KCTD8: variants seen among roughly 807,000 people sequenced by gnomAD.
The protein encoded by KCTD8 is potassium channel tetramerization domain containing 8.
In KCTD8, 27 loss-of-function variants were observed where a neutral mutation model predicts 31.5. The observed-to-expected ratio is 0.86, with a 90% CI of 0.63 to 1.18. KCTD8 has a LOEUF of 1.18. Ranked by LOEUF, KCTD8 falls within the 50% of genes most tolerant of loss-of-function variation. KCTD8 has a pLI of 0.00. For synonymous variants in KCTD8, 290 were observed against 280.0 expected (o/e 1.04, Z -0.36); for missense variants, 658 against 647.7 (o/e 1.02, Z -0.17).
At chr4:44,198,439 A>C (rs1034487203) in intron 1 of KCTD8, among the ~76,000 whole-genome samples, 2 of 152,190 alleles carry the variant, frequency 1.3e-5, no homozygotes, top group African/African-American at 4.8e-5. Flanking sequence ...AGGGAAACTC[A>C]TGAGGCTAGC....
intron 1 of KCTD8, among the ~76,000 whole-genome samples, chr4:44,223,310 G>A (rs978552795): frequency 1.3e-5 from 2 of 152,260 alleles, no homozygotes; most frequent in Admixed American, 6.5e-5. Flanking sequence ...TTGGGGTGGA[G>A]AAGGAAGGGA....
intron 1 of KCTD8, among the ~76,000 whole-genome samples, chr4:44,200,725 C>A (rs536072943): frequency 6.6e-6 from 1 of 152,004 alleles, no homozygotes; most frequent in African/African-American, 2.4e-5. Context: ...AAGCTTAAAT[C>A]ATTGCCCTTG....
intron 1 of KCTD8, among the ~76,000 whole-genome samples, chr4:44,393,793 T>A (rs1482929057): frequency 1.3e-5 from 2 of 151,914 alleles, no homozygotes; most frequent in Non-Finnish European, 2.9e-5. Flanking sequence ...CAACTATTTA[T>A]TCAATAAACA....
chr4:44,286,753 CTT>C (rs1717090430), intron 1 of KCTD8, among the ~76,000 whole-genome samples: 3 of 151,910 alleles, frequency 2.0e-5, no homozygotes, highest in African/African-American at 7.3e-5. Context: ...GAAAAAATAA[CTT>C]TGCTCCTGGA....
At chr4:44,311,267 C>A (rs185409695) in intron 1 of KCTD8, among the ~76,000 whole-genome samples, 1 of 151,820 alleles carries the variant, frequency 6.6e-6, no homozygotes, top group African/African-American at 2.4e-5. Flanking sequence ...AGCACGTGTG[C>A]TCTCTCTCTC....
intron 1 of KCTD8, among the ~76,000 whole-genome samples, chr4:44,224,352 C>T (rs543383211): frequency 6.6e-6 from 1 of 152,292 alleles, no homozygotes; most frequent in African/African-American, 2.4e-5. Flanking sequence ...TCACTGTCCA[C>T]CAACATGCAG....
chr4:44,328,387 T>C (rs1221131541), intron 1 of KCTD8, among the ~76,000 whole-genome samples: 1 of 151,880 alleles, frequency 6.6e-6, no homozygotes, highest in Non-Finnish European at 1.5e-5. Context: ...CTACAACAAA[T>C]AGATTTGCAT....
intron 1 of KCTD8, among the ~76,000 whole-genome samples, chr4:44,305,674 G>A (rs1299132242): frequency 6.6e-6 from 1 of 151,768 alleles, no homozygotes; most frequent in Non-Finnish European, 1.5e-5. Flanking sequence ...GAGTCAGTAA[G>A]CTTACAGAAA....
At chr4:44,176,860 CATCTATCT>C (rs58202328) in intron 1 of KCTD8, among the ~76,000 whole-genome samples, 39 of 148,472 alleles carry the variant, frequency 2.6e-4, no homozygotes, top group African/African-American at 6.7e-4. Context: ...TATATGTCTA[CATCTATCT>C]ATCTATCTAT....
chr4:44,263,202 C>T (rs553087408), intron 1 of KCTD8, among the ~76,000 whole-genome samples: 8 of 151,932 alleles, frequency 5.3e-5, no homozygotes, highest in Non-Finnish European at 1.0e-4. Flanking sequence ...CAAGTTTATG[C>T]CTAAAAACTT....
chr4:44,302,697 G>T (rs1289411998), intron 1 of KCTD8, among the ~76,000 whole-genome samples: 1 of 149,248 alleles, frequency 6.7e-6, no homozygotes, highest in Non-Finnish European at 1.5e-5. Context: ...TTTCCTAATT[G>T]AATACCCTTT....
At chr4:44,254,101 TAAG>T (rs976039086) in intron 1 of KCTD8, among the ~76,000 whole-genome samples, 9 of 151,922 alleles carry the variant, frequency 5.9e-5, no homozygotes, top group Non-Finnish European at 1.2e-4. Flanking sequence ...TGGATTTGGC[TAAG>T]AAGATTTCCA....
Position 44,267,516 on chromosome 4 carries a change from C to T in KCTD8, c.962-92266G>A, listed in dbSNP as rs1424719729. Reference sequence around the variant, plus strand: ...AAGCAAGAGCAAACACATTCAAAAGCTAGCAGAAGGCAAGAAATGACTAAA... The same window carrying T: ...AAGCAAGAGCAAACACATTCAAAAGTTAGCAGAAGGCAAGAAATGACTAAA... On this transcript the variant is annotated intron_variant, in intron 1 of 1. Transcript: ENST00000360029. Among the ~76,000 whole-genome samples, 3 of 152,168 alleles carry T rather than the reference C, an allele frequency of 2.0e-5. No homozygotes were observed. The East Asian group carries it at 5.8e-4, about 29-fold the overall frequency.
chr4:44,177,249 C>T (rs1713243524), intron 1 of KCTD8, among the ~76,000 whole-genome samples: 1 of 152,066 alleles, frequency 6.6e-6, no homozygotes, highest in Non-Finnish European at 1.5e-5. Flanking sequence ...ATTCAGTCAA[C>T]AGCAAAGACT....
At chr4:44,402,150 A>G (rs1720679997) in intron 1 of KCTD8, among the ~76,000 whole-genome samples, 1 of 152,192 alleles carries the variant, frequency 6.6e-6, no homozygotes, top group Non-Finnish European at 1.5e-5. Flanking sequence ...CTGGAGAACA[A>G]CAACTGAATA....
intron 1 of KCTD8, among the ~76,000 whole-genome samples, chr4:44,277,852 C>T (rs1716795696): frequency 6.6e-6 from 1 of 151,826 alleles, no homozygotes; most frequent in Non-Finnish European, 1.5e-5. Context: ...CCAAGATATT[C>T]CTGATACCAA....
At chr4:44,400,197 C>A (rs1052000474) in intron 1 of KCTD8, among the ~76,000 whole-genome samples, 1 of 152,148 alleles carries the variant, frequency 6.6e-6, no homozygotes, top group Non-Finnish European at 1.5e-5. Flanking sequence ...TAGAAAGTTT[C>A]TTCAAATTCT....
chr4:44,223,067 G>C (rs2109348914), intron 1 of KCTD8, among the ~76,000 whole-genome samples: 1 of 152,316 alleles, frequency 6.6e-6, no homozygotes, highest in East Asian at 1.9e-4. Flanking sequence ...ATTGGAAGCA[G>C]GGATGTTTTA....
intron 1 of KCTD8, among the ~76,000 whole-genome samples, chr4:44,304,474 C>T (rs559984651): frequency 3.9e-5 from 6 of 152,156 alleles, no homozygotes; most frequent in Non-Finnish European, 8.8e-5. Context: ...TACTACGCCC[C>T]TGAATGTCTT....
Sources: allele counts gnomAD v4.1 joint callset (sites outside exome capture counted in the v4.1 genomes callset), GRCh38; gene constraint gnomAD v4.1.1; transcripts MANE v1.5; gene names NCBI Gene and HGNC (gene_info 2026-07-23, HGNC 2026-07-21).